BCKDHA: variants seen among roughly 807,000 people sequenced by gnomAD.
BCKDHA encodes 2-oxoisovalerate dehydrogenase subunit alpha, mitochondrial.
A neutral mutation model predicts 52.2 loss-of-function variants in BCKDHA; 43 were observed. That is an observed-to-expected ratio of 0.82 (90% CI 0.64 to 1.06). BCKDHA has a LOEUF of 1.06. Among genes scored for constraint, BCKDHA ranks in the 50% least tolerant of loss-of-function variants. BCKDHA has a pLI of 0.00. For missense variants in BCKDHA, 527 were observed against 621.3 expected (o/e 0.85, Z 1.61); for synonymous variants, 234 against 247.9 (o/e 0.94, Z 0.53).
intron 1 of BCKDHA, among the ~76,000 whole-genome samples, chr19:41,403,259 G>A (rs1479810472): frequency 6.6e-6 from 1 of 152,152 alleles, no homozygotes; most frequent in Non-Finnish European, 1.5e-5. Context: ...GGGTTTGGGT[G>A]GCCTTAGCTA....
At chr19:41,417,998 A>G (rs985195782) in intron 4 of BCKDHA, among the ~76,000 whole-genome samples, 1 of 150,004 alleles carries the variant, frequency 6.7e-6, no homozygotes, top group African/African-American at 2.5e-5. Flanking sequence ...AGGCTGAGGC[A>G]TAAGAATTGC....
intron 3 of BCKDHA, among the ~76,000 whole-genome samples, 178 bp downstream of exon 3, chr19:41,411,187 G>A (rs1157908970): frequency 6.6e-6 from 1 of 152,146 alleles, no homozygotes; most frequent in South Asian, 2.1e-4. Context: ...CTGCCTTAGG[G>A]CAGAAGGATG....
intron 1 of BCKDHA, among the ~76,000 whole-genome samples, chr19:41,404,455 A>G (rs777502284): frequency 5.3e-5 from 8 of 150,804 alleles, no homozygotes; most frequent in Non-Finnish European, 1.0e-4. Flanking sequence ...ACGCCCGGCT[A>G]ATTTTTTGTA....
At chr19:41,405,474 T>G (rs2123244927) in intron 1 of BCKDHA, among the ~76,000 whole-genome samples, 1 of 152,110 alleles carries the variant, frequency 6.6e-6, no homozygotes. Context: ...GGATGGGGTC[T>G]TGCCATGTTA....
At chr19:41,422,518 G>GGTCC in intron 6 of BCKDHA, 111 bp from the exon 7 acceptor site, 4 of 1,579,400 alleles carry the variant, frequency 2.5e-6, no homozygotes, top group Non-Finnish European at 3.5e-6. Context: ...CAGGAGTTGA[G>GGTCC]GTCCTGAGCA....
chr19:41,414,557 C>A (rs1156915170), intron 4 of BCKDHA, among the ~76,000 whole-genome samples: 1 of 152,128 alleles, frequency 6.6e-6, no homozygotes, highest in African/African-American at 2.4e-5. Context: ...CTGCCTGGTG[C>A]AGTGATCCCC....
Position 41,415,946 on chromosome 19 carries a change from C to CT in BCKDHA, c.484+1804dup, listed in dbSNP as rs34933875. 6.6e-3 allele frequency among the ~76,000 whole-genome samples: 900 copies of CT among 137,126 alleles called. 12 individuals carry two copies. Among genetic ancestry groups the CT allele is most frequent in the African/African-American group, 0.015 (558 of 36,216 alleles). The allele number at this position is 137,126 out of a possible 152,430, so 90.0% of individuals were successfully genotyped here. ...ACAGGCGTGAGCCACCATGCCTGGC[C>CT]TTTTTTTTTTTTTTTGAGGTGGAGT... On this transcript the variant is annotated intron_variant, in intron 4 of 8. Coordinates refer to ENST00000269980, the MANE Select transcript of BCKDHA (RefSeq NM_000709.4).
At chr19:41,422,142 A>G (rs1380386514) in intron 5 of BCKDHA, 22 bp from the exon 6 acceptor site, 2 of 1,608,842 alleles carry the variant, frequency 1.2e-6, no homozygotes, top group Non-Finnish European at 1.7e-6. Flanking sequence ...GCCCCTGCTC[A>G]CCACCCTCTC....
At chr19:41,410,263 A>G (rs1315994163) in intron 1 of BCKDHA, among the ~76,000 whole-genome samples, 1 of 152,140 alleles carries the variant, frequency 6.6e-6, no homozygotes, top group African/African-American at 2.4e-5. Flanking sequence ...TGTGGCCAGA[A>G]TGGGGAGGCC....
At chr19:41,402,744 G>A (rs537235733) in intron 1 of BCKDHA, among the ~76,000 whole-genome samples, 6 of 152,170 alleles carry the variant, frequency 3.9e-5, no homozygotes, top group Non-Finnish European at 8.8e-5. Flanking sequence ...TGGGTTAAGC[G>A]ATTGTCCTGC....
rs546156054 is a variant in BCKDHA at position 41,417,162 on chromosome 19, C to G, written c.485-1973C>G. On this transcript the variant is annotated intron_variant, in intron 4 of 8. Transcript: ENST00000269980. ...GAATAGCTGGGACCACAGGTGCACG[C>G]CACCACACCTGGCTAATTTTTTTTT... Among the ~76,000 whole-genome samples the G allele has an allele frequency of 3.3e-5, 5 of 151,792 alleles. No individual in the cohort carries two copies. In the South Asian group the frequency reaches 1.0e-3, roughly 32 times the overall value.
chr19:41,400,638 C>G (rs181060094), intron 1 of BCKDHA, among the ~76,000 whole-genome samples: 51 of 152,274 alleles, frequency 3.3e-4, no homozygotes, highest in African/African-American at 1.2e-3. Context: ...CCTGCCTCAG[C>G]CTCCCAAAGT....
chr19:41,420,714 G>T (rs1462994335), intron 5 of BCKDHA, among the ~76,000 whole-genome samples: 1 of 152,222 alleles, frequency 6.6e-6, no homozygotes, highest in Non-Finnish European at 1.5e-5. Flanking sequence ...TGGGTTCTTG[G>T]CCCTGACCTT....
chr19:41,417,753 C>T (rs375402412), intron 4 of BCKDHA, among the ~76,000 whole-genome samples: 15 of 151,828 alleles, frequency 9.9e-5, no homozygotes, highest in African/African-American at 9.7e-5. Context: ...GGAGAAACCC[C>T]GTCTCTCCTG....
rs530972813 is a variant in BCKDHA, at chr19:41,412,380, C to CTTTTTTTTTTTTTTTTTTTTTTTTTT, written c.375+1389_375+1390insTTTTTTTTTTTTTTTTTTTTTTTTTT. 1.3e-3 allele frequency among the ~76,000 whole-genome samples: 86 copies of CTTTTTTTTTTTTTTTTTTTTTTTTTT among 65,850 alleles called. 12 individuals are homozygous for CTTTTTTTTTTTTTTTTTTTTTTTTTT. The highest frequency in any genetic ancestry group is 1.9e-3 in the Non-Finnish European group (63 of 32,574). The allele number at this position is 65,850 out of a possible 152,430, so 43.2% of individuals were successfully genotyped here. A position where few individuals can be genotyped will look rare whatever the true frequency, so the allele number is the denominator to read the frequency against. ...TCATTCCCTCTGTCTGTAGATATTTCTTTTTTTTTTTTTTTTTTACTTTTG... is the reference window on the plus strand; with the variant it reads ...TCATTCCCTCTGTCTGTAGATATTTCTTTTTTTTTTTTTTTTTTTTTTTTTTTTTTTTTTTTTTTTTTTTACTTTTG... On this transcript the variant is annotated intron_variant, in intron 3 of 8. Transcript: ENST00000269980.
chr19:41,410,714 A>G lies in BCKDHA; in HGVS notation c.186A>G (p.Ile62Met), dbSNP rs149251798. The change falls in exon 2 of 9, where the codon ATA (isoleucine) becomes ATG (methionine). Residue 62 changes from isoleucine (I) to methionine (M), a missense_variant. By Grantham distance (10) the Ile-to-Met change is conservative (BLOSUM62 1). Coordinates refer to ENST00000269980, the MANE Select transcript of BCKDHA (RefSeq NM_000709.4). Reference protein sequence around the residue: ...PQFPGASAEFIDKLEFIQPNV... With the variant: ...PQFPGASAEFMDKLEFIQPNV... ...TCCCAGGGGCCTCGGCGGAGTTTATAGATAAGTTGGAATTCATCCAGCCCA... is the reference window on the plus strand; with the variant it reads ...TCCCAGGGGCCTCGGCGGAGTTTATGGATAAGTTGGAATTCATCCAGCCCA... 1.1e-5 allele frequency: 18 copies of G among 1,614,006 alleles called. No homozygotes were observed. The highest frequency in any genetic ancestry group is 1.5e-5 in the Non-Finnish European group (18 of 1,180,034).
At chr19:41,413,977 A>G (rs1351998429) in intron 3 of BCKDHA, 72 bp from the exon 4 acceptor site, 2 of 1,293,322 alleles carry the variant, frequency 1.5e-6, no homozygotes, top group Non-Finnish European at 2.2e-6. Context: ...GAAGCTGGGC[A>G]GGATTTGGAT....
At position 41,410,626 on chromosome 19, in the gene BCKDHA, C is replaced by G; in HGVS notation, c.109-11C>G. 1 of 1,614,174 alleles carries G rather than the reference C, an allele frequency of 6.2e-7. No homozygotes were observed. The highest frequency in any genetic ancestry group is 8.5e-7 in the Non-Finnish European group (1 of 1,180,026). ...TCTGATGCAGGTGGTCTCCTCTGCT[C>G]TCTTCCCCAGCACCCCCCCAGGCAG... On this transcript the variant is annotated splice_polypyrimidine_tract_variant and intron_variant, in intron 1 of 8. Coordinates refer to ENST00000269980, the MANE Select transcript of BCKDHA (RefSeq NM_000709.4).
At chr19:41,405,215 C>T (rs1361987614) in intron 1 of BCKDHA, among the ~76,000 whole-genome samples, 3 of 152,144 alleles carry the variant, frequency 2.0e-5, no homozygotes, top group African/African-American at 7.2e-5. Context: ...TCATGACAAC[C>T]CCTGAGATAA....
Sources: allele counts gnomAD v4.1 joint callset (sites outside exome capture counted in the v4.1 genomes callset), GRCh38; gene constraint gnomAD v4.1.1; transcripts MANE v1.5; gene names NCBI Gene and HGNC (gene_info 2026-07-23, HGNC 2026-07-21).